The following CD80 variants were observed in gnomAD, a reference collection of about 807,000 sequenced individuals.
CD80 encodes the protein T-lymphocyte activation antigen CD80.
A neutral mutation model predicts 27.1 loss-of-function variants in CD80; 13 were observed. The ratio of observed to expected loss-of-function variants is 0.48; its 90% CI spans 0.31 to 0.76. The LOEUF is 0.76. CD80 is among the 30% of genes least tolerant of loss of function. The pLI is 0.04. For missense variants in CD80, 277 were observed against 347.9 expected (o/e 0.80, Z 1.62); for synonymous variants, 125 against 125.5 (o/e 1.00, Z 0.03).
chr3:119,554,535 C>T (rs536441023), intron 2 of CD80, among the ~76,000 whole-genome samples: 5 of 152,154 alleles, frequency 3.3e-5, no homozygotes, highest in Non-Finnish European at 7.4e-5. Context: ...ACAGTGCCTG[C>T]AGGCCTAGAG....
intron 2 of CD80, among the ~76,000 whole-genome samples, chr3:119,555,487 G>A (rs1327154913): frequency 1.3e-5 from 2 of 152,196 alleles, no homozygotes; most frequent in African/African-American, 4.8e-5. Flanking sequence ...CACTCTCCTG[G>A]GTAAAGCCCT....
chr3:119,538,260 C>T lies in CD80; in HGVS notation c.419-842G>A, dbSNP rs540704918. Among the ~76,000 whole-genome samples the T allele has an allele frequency of 3.5e-4, 54 of 152,272 alleles. No homozygotes were observed. In the South Asian group the frequency reaches 0.011, roughly 30 times the overall value. ...ATTCAAATCTGTCTGACACCAGAGCCTATCTTTTCTTGACCTTGCCTTTCT... is the reference window on the plus strand; with the variant it reads ...ATTCAAATCTGTCTGACACCAGAGCTTATCTTTTCTTGACCTTGCCTTTCT... On this transcript the variant is annotated intron_variant, in intron 3 of 6. Transcript: ENST00000264246.
chr3:119,543,699 C>CA (rs1484881201), intron 3 of CD80, among the ~76,000 whole-genome samples: 1 of 152,076 alleles, frequency 6.6e-6, no homozygotes, highest in Non-Finnish European at 1.5e-5. Flanking sequence ...CTTGGCCTCC[C>CA]AAAGTGCTGA....
Position 119,525,621 on chromosome 3 carries a change from C to G in CD80, c.*167G>C, listed in dbSNP as rs1461113285. ...CTACTTCTGTGCCCACCATATTCCTCTAGACACTTCCTGCAAAGCAACTGA... is the reference window on the plus strand; with the variant it reads ...CTACTTCTGTGCCCACCATATTCCTGTAGACACTTCCTGCAAAGCAACTGA... On this transcript the variant is annotated 3_prime_UTR_variant, in exon 7 of 7. Coordinates refer to ENST00000264246, the MANE Select transcript of CD80 (RefSeq NM_005191.4). 1 of 152,480 alleles carries G rather than the reference C, an allele frequency of 6.6e-6. No homozygotes were observed. Among genetic ancestry groups the G allele is most frequent in the South Asian group, 2.1e-4 (1 of 4,832 alleles). The allele number at this position is 152,480 out of a possible 1,614,324, so 9.4% of individuals were successfully genotyped here.
chr3:119,549,649 C>T (rs551800914), intron 2 of CD80, among the ~76,000 whole-genome samples: 112 of 152,294 alleles, frequency 7.4e-4, no homozygotes, highest in African/African-American at 2.4e-3. Flanking sequence ...AGACTGGATA[C>T]GGCCCCACCA....
At chr3:119,549,525 C>T (rs1258889264) in intron 2 of CD80, among the ~76,000 whole-genome samples, 4 of 152,182 alleles carry the variant, frequency 2.6e-5, no homozygotes, top group Non-Finnish European at 5.9e-5. Flanking sequence ...CACAGATCCC[C>T]TTAGGGAGAC....
intron 2 of CD80, among the ~76,000 whole-genome samples, chr3:119,552,344 A>C (rs6772303): frequency 0.07 from 10,603 of 151,862 alleles, 394 homozygotes; most frequent in African/African-American, 0.095. Flanking sequence ...TAAATTAGCC[A>C]GGCGTGGTGG....
intron 3 of CD80, among the ~76,000 whole-genome samples, chr3:119,543,550 A>T (rs947320903): frequency 1.3e-5 from 2 of 151,208 alleles, no homozygotes; most frequent in Non-Finnish European, 1.5e-5. Flanking sequence ...TCCGCCTCCC[A>T]GGTTCAAGTG....
intron 6 of CD80, chr3:119,527,413 G>A (rs924748241): frequency 4.5e-6 from 1 of 221,690 alleles, no homozygotes; most frequent in Admixed American, 5.5e-5. Flanking sequence ...GAGATAGAGG[G>A]AAAAATGAAT....
chr3:119,544,960 G>A, intron 2 of CD80, 93 bp from the exon 3 acceptor site: 1 of 992,236 alleles, frequency 1.0e-6, no homozygotes, highest in Non-Finnish European at 1.5e-6. Context: ...CAGAACTTAG[G>A]GTGTTGTGTC....
chr3:119,545,336 CCAAACAAA>C (rs138694157), intron 2 of CD80, among the ~76,000 whole-genome samples: 23 of 151,180 alleles, frequency 1.5e-4, no homozygotes, highest in South Asian at 8.3e-4. Context: ...AACTCCATCT[CCAAACAAA>C]CAAACAAACA....
Position 119,525,617 on chromosome 3 carries a change from T to G in CD80, c.*171A>C, listed in dbSNP as rs2082060607. 1 of 152,358 alleles carries G rather than the reference T, an allele frequency of 6.6e-6. No individual in the cohort carries two copies. The highest frequency in any genetic ancestry group is 1.5e-5 in the Non-Finnish European group (1 of 67,988). The allele number at this position is 152,358 out of a possible 1,614,324, so 9.4% of individuals were successfully genotyped here. Reference sequence around the variant, plus strand: ...AGAGCTACTTCTGTGCCCACCATATTCCTCTAGACACTTCCTGCAAAGCAA... The same window carrying G: ...AGAGCTACTTCTGTGCCCACCATATGCCTCTAGACACTTCCTGCAAAGCAA... On this transcript the variant is annotated 3_prime_UTR_variant, in exon 7 of 7. Transcript: ENST00000264246.
In CD80 at chr3:119,544,537, A is replaced by T; in HGVS notation, c.418+13T>A. 1 of 1,606,478 alleles carries T rather than the reference A, an allele frequency of 6.2e-7. No individual in the cohort carries two copies. The highest frequency in any genetic ancestry group is 1.1e-5 in the South Asian group (1 of 90,876). On this transcript the variant is annotated intron_variant, in intron 3 of 6. Transcript: ENST00000264246. ...TCTGCCGGCCTAGAGTAAAATCAGA[A>T]AATCCCACCAACCTTTGACTGATAA...
intron 4 of CD80, among the ~76,000 whole-genome samples, 155 bp downstream of exon 4, chr3:119,536,982 C>A (rs2082142765): frequency 6.6e-6 from 1 of 152,160 alleles, no homozygotes; most frequent in Admixed American, 6.5e-5. Context: ...TAGGCTGTAC[C>A]ATCTAGGTTT....
At chr3:119,549,997 T>C (rs1308257175) in intron 2 of CD80, among the ~76,000 whole-genome samples, 1 of 152,226 alleles carries the variant, frequency 6.6e-6, no homozygotes, top group Non-Finnish European at 1.5e-5. Context: ...TTTCTTCATC[T>C]CTAAATAGGT....
rs2082076688 is a variant in CD80 at position 119,527,814 on chromosome 3, C to A, written c.824G>T (p.Arg275Met). 6.2e-7 allele frequency: 1 copy of A among 1,613,842 alleles called. No homozygotes were observed. The highest frequency in any genetic ancestry group is 1.3e-5 in the African/African-American group (1 of 74,900). Reference protein sequence around the residue: ...YCFAPRCRERRRNERLRRESV... With the variant: ...YCFAPRCRERMRNERLRRESV... Reference sequence around the variant, plus strand: ...TTCCCTTCTCAATCTCTCATTCCTCCTTCTCTCTCTGCATCTTGGGGCAAA... The same window carrying A: ...TTCCCTTCTCAATCTCTCATTCCTCATTCTCTCTCTGCATCTTGGGGCAAA... Residue 275 changes from arginine to methionine, a missense_variant, in exon 6 of 7, where the codon AGG (arginine) becomes ATG (methionine). Arg to Met is a moderately conservative substitution (Grantham distance 91, BLOSUM62 -1). Transcript: ENST00000264246.
intron 3 of CD80, among the ~76,000 whole-genome samples, chr3:119,537,844 T>C (rs936569216): frequency 6.6e-6 from 1 of 152,172 alleles, no homozygotes; most frequent in Non-Finnish European, 1.5e-5. Context: ...TGAGATATAA[T>C]TTGCAACTTC....
At chr3:119,547,514 G>T (rs1459021012) in intron 2 of CD80, among the ~76,000 whole-genome samples, 5 of 152,146 alleles carry the variant, frequency 3.3e-5, no homozygotes, top group African/African-American at 9.7e-5. Flanking sequence ...GATATCTGAG[G>T]ATACTTATAT....
rs1366767577 is a variant in CD80 at position 119,532,480 on chromosome 3, A to C, written c.701-2543T>G. Among the ~76,000 whole-genome samples the C allele has an allele frequency of 3.5e-5, 5 of 141,838 alleles. No individual in the cohort carries two copies. The East Asian group carries it at 1.1e-3, about 31-fold the overall frequency. The allele number at this position is 141,838 out of a possible 152,430, so 93.1% of individuals were successfully genotyped here. On this transcript the variant is annotated intron_variant, in intron 4 of 6. Transcript: ENST00000264246. ...AGCCTGGGTGACAGAGTGAGAATCT[A>C]TCTCAGAAAAAGACAAAGAAAAAAA... is the stretch of plus-strand genomic sequence containing the variant.
Sources: allele counts gnomAD v4.1 joint callset (sites outside exome capture counted in the v4.1 genomes callset), GRCh38; gene constraint gnomAD v4.1.1; transcripts MANE v1.5; gene names NCBI Gene and HGNC (gene_info 2026-07-23, HGNC 2026-07-21).